The following SCAPER variants were observed in gnomAD, a reference collection of about 807,000 sequenced individuals.
SCAPER encodes S phase cyclin A-associated protein in the endoplasmic reticulum.
In SCAPER, 98 loss-of-function variants were observed where a neutral mutation model predicts 182.2. That is an observed-to-expected ratio of 0.54 (90% CI 0.46 to 0.64). SCAPER has a LOEUF of 0.64. SCAPER is among the 30% of genes least tolerant of loss of function. SCAPER has a pLI of 0.00. For synonymous variants in SCAPER, 605 were observed against 564.6 expected, an observed-to-expected ratio of 1.07 and a Z score of -1.01; for missense variants, 1,432 against 1,690.0, an observed-to-expected ratio of 0.85 and a Z score of 2.68.
chr15:76,571,098 A>T (rs1281175983), intron 23 of SCAPER, among the ~76,000 whole-genome samples: 1 of 152,134 alleles, frequency 6.6e-6, no homozygotes, highest in Non-Finnish European at 1.5e-5. Flanking sequence ...TACTTTCATC[A>T]CCTTACACGA....
In SCAPER at chr15:76,597,333, T is replaced by C. The variant is rs181658143; in HGVS notation, c.2712-23049A>G. Among the ~76,000 whole-genome samples, 14 of 122,362 alleles carry C rather than the reference T, an allele frequency of 1.1e-4. 6 individuals are homozygous for C. The highest frequency in any genetic ancestry group is 1.8e-4 in the Admixed American group (2 of 10,852). The allele number at this position is 122,362 out of a possible 152,430, so 80.3% of individuals were successfully genotyped here. On this transcript the variant is annotated intron_variant, in intron 22 of 31. Transcript: ENST00000563290. ...ACACAAACAAATGAAAAACATTCCA[T>C]GCTAATGGATAGGAAGAATCAAATC...
chr15:76,551,826 T>C (rs752520460), intron 23 of SCAPER, among the ~76,000 whole-genome samples: 5 of 152,118 alleles, frequency 3.3e-5, no homozygotes, highest in Admixed American at 6.6e-5. Context: ...ATATGTGCAA[T>C]TATTATGAGT....
intron 2 of SCAPER, among the ~76,000 whole-genome samples, chr15:76,872,057 T>C (rs1268256327): frequency 6.6e-6 from 1 of 152,112 alleles, no homozygotes; most frequent in Non-Finnish European, 1.5e-5. Context: ...AAAATATTAC[T>C]GAGGTTATGA....
At chr15:76,439,676 A>G (rs927937791) in intron 25 of SCAPER, among the ~76,000 whole-genome samples, 3 of 151,544 alleles carry the variant, frequency 2.0e-5, no homozygotes, top group Non-Finnish European at 4.4e-5. Context: ...CCCTTCCCCC[A>G]CTCTGCTCTA....
At chr15:76,632,502 A>T (rs966388288) in intron 21 of SCAPER, among the ~76,000 whole-genome samples, 1 of 151,950 alleles carries the variant, frequency 6.6e-6, no homozygotes, top group Non-Finnish European at 1.5e-5. Flanking sequence ...CAGCTCCTGT[A>T]ATGTTTTATC....
chr15:76,441,699 T>C (rs559897291), intron 25 of SCAPER, among the ~76,000 whole-genome samples: 36 of 152,332 alleles, frequency 2.4e-4, no homozygotes, highest in Non-Finnish European at 4.6e-4. Context: ...CCATAAGTTA[T>C]GCCAGAGTGT....
At chr15:76,793,415 G>T in intron 8 of SCAPER, 1 of 571,500 alleles carries the variant, frequency 1.7e-6, no homozygotes, top group South Asian at 2.5e-5. Flanking sequence ...GGCAGTATTA[G>T]AACACTGGGA....
At chr15:76,670,658 T>G (rs2056948509) in intron 20 of SCAPER, among the ~76,000 whole-genome samples, 1 of 152,228 alleles carries the variant, frequency 6.6e-6, no homozygotes, top group African/African-American at 2.4e-5. Context: ...TTTGCCAGTA[T>G]GTGGTGTTCC....
chr15:76,887,674 A>C (rs6495222), intron 1 of SCAPER, among the ~76,000 whole-genome samples: 128,663 of 152,078 alleles, frequency 0.85, 54,666 homozygotes, highest in Middle Eastern at 0.91. Flanking sequence ...AGAGCCCCCC[A>C]ACAGCTCAGC....
Position 76,351,299 on chromosome 15 carries a change from A to G in SCAPER, c.4048-11T>C. ...AGTCTGTGCCAAATCCTGTATGAGG[A>G]GAGAAAAGTGTTTTTCTATCAATGC... On this transcript the variant is annotated splice_polypyrimidine_tract_variant and intron_variant, in intron 30 of 31. Transcript: ENST00000563290. The G allele has an allele frequency of 6.2e-7, 1 of 1,604,464 alleles. No homozygotes were observed. The highest frequency in any genetic ancestry group is 1.3e-5 in the African/African-American group (1 of 74,872).
chr15:76,415,702 CAT>C (rs1189214041), intron 26 of SCAPER, among the ~76,000 whole-genome samples: 2 of 152,056 alleles, frequency 1.3e-5, no homozygotes, highest in African/African-American at 4.8e-5. Context: ...GATACACACA[CAT>C]ACACACATAT....
At chr15:76,813,852 T>C (rs1472704468) in intron 5 of SCAPER, among the ~76,000 whole-genome samples, 3 of 152,060 alleles carry the variant, frequency 2.0e-5, no homozygotes, top group Non-Finnish European at 2.9e-5. Context: ...TGTTTATGGG[T>C]TGTAAAAATT....
At chr15:76,689,036 G>T (rs923649127) in intron 20 of SCAPER, among the ~76,000 whole-genome samples, 2 of 151,760 alleles carry the variant, frequency 1.3e-5, no homozygotes, top group African/African-American at 4.8e-5. Flanking sequence ...TTTTAGTAGA[G>T]ACAGGGTTTC....
chr15:76,379,523 T>G (rs1328387309), intron 28 of SCAPER, among the ~76,000 whole-genome samples: 2 of 152,138 alleles, frequency 1.3e-5, no homozygotes, highest in Admixed American at 1.3e-4. Flanking sequence ...AGCTGAACCC[T>G]CTTGAACCAC....
chr15:76,499,090 C>A (rs902031575), intron 24 of SCAPER, among the ~76,000 whole-genome samples: 1 of 152,076 alleles, frequency 6.6e-6, no homozygotes, highest in African/African-American at 2.4e-5. Context: ...GGACAATGAC[C>A]TTAAGAATAC....
intron 23 of SCAPER, among the ~76,000 whole-genome samples, chr15:76,538,064 C>A (rs911545302): frequency 3.0e-4 from 46 of 151,350 alleles, no homozygotes; most frequent in Non-Finnish European, 6.0e-4. Context: ...AGTCAGGAAA[C>A]AACAGGTGCT....
At chr15:76,523,612 A>C (rs1441337385) in intron 23 of SCAPER, among the ~76,000 whole-genome samples, 1 of 152,096 alleles carries the variant, frequency 6.6e-6, no homozygotes, top group Non-Finnish European at 1.5e-5. Context: ...CCAAATACTG[A>C]GGTGGGTCTG....
chr15:76,821,610 C>T (rs909358734), intron 5 of SCAPER, among the ~76,000 whole-genome samples: 4 of 151,236 alleles, frequency 2.6e-5, no homozygotes, highest in African/African-American at 7.3e-5. Context: ...GGTGACAGGG[C>T]GAGACCTTCT....
chr15:76,465,101 TGTA>T (rs2049500897), intron 25 of SCAPER, among the ~76,000 whole-genome samples: 1 of 152,208 alleles, frequency 6.6e-6, no homozygotes, highest in Non-Finnish European at 1.5e-5. Context: ...GCTATTGAGT[TGTA>T]GTTCTTTATA....
Sources: gnomAD v4.1 joint callset for allele counts (sites outside exome capture counted in the v4.1 genomes callset) on GRCh38, gnomAD v4.1.1 for gene constraint, MANE v1.5 for transcripts, NCBI Gene and HGNC (gene_info 2026-07-23, HGNC 2026-07-21) for gene names.